Variants in STPG2 observed in about 807,000 individuals in gnomAD.
STPG2 encodes the protein sperm tail PG-rich repeat containing 2, also known as sperm-tail PG-rich repeat-containing protein 2.
In STPG2, 56 loss-of-function variants were observed where a neutral mutation model predicts 54.2. The ratio of observed to expected loss-of-function variants is 1.03; its 90% CI spans 0.83 to 1.29. STPG2 has a LOEUF of 1.29. Among genes scored for constraint, STPG2 ranks in the 50% most tolerant of loss-of-function variants. The probability of loss-of-function intolerance (pLI) is 0.00; values close to 1 mark genes in which losing one functional copy is unlikely to be tolerated. For missense variants in STPG2, 596 were observed against 544.9 expected (o/e 1.09, Z -0.93); for synonymous variants, 200 against 181.8 (o/e 1.10, Z -0.81).
chr4:97,464,567 C>T lies in STPG2; in HGVS notation c.462+248132G>A, dbSNP rs531014822. Among the ~76,000 whole-genome samples the T allele has an allele frequency of 1.1e-4, 17 of 152,234 alleles. No homozygotes were observed. The South Asian group carries it at 2.5e-3, about 22-fold the overall frequency. On this transcript the variant is annotated intron_variant, in intron 4 of 4. Transcript: ENST00000522676. ...AAGTAGCTGGAATTACAGGTGCACA[C>T]CACCATGCCCAGCTAATTTTTGTAT...
intron 7 of STPG2, among the ~76,000 whole-genome samples, chr4:97,954,601 A>C (rs1302123425): frequency 6.6e-6 from 1 of 152,252 alleles, no homozygotes; most frequent in Non-Finnish European, 1.5e-5. Context: ...CATCAGGCTC[A>C]TGTTTGATAT....
intron 9 of STPG2, among the ~76,000 whole-genome samples, chr4:97,738,878 G>A (rs1271724987): frequency 6.6e-6 from 1 of 152,122 alleles, no homozygotes; most frequent in East Asian, 1.9e-4. Context: ...GACATCTACA[G>A]AACTCTCCAC....
chr4:97,966,106 A>C (rs1734088283), intron 7 of STPG2, among the ~76,000 whole-genome samples: 1 of 152,212 alleles, frequency 6.6e-6, no homozygotes, highest in African/African-American at 2.4e-5. Context: ...GTTTGAGCCC[A>C]TCACAAGCAA....
intron 10 of STPG2, 79 bp downstream of exon 10, chr4:97,712,620 T>C: frequency 2.1e-6 from 2 of 973,420 alleles, no homozygotes; most frequent in Non-Finnish European, 2.8e-6. Context: ...TGGAAAGGAC[T>C]TTAATATATA....
intron 9 of STPG2, among the ~76,000 whole-genome samples, chr4:97,774,005 G>A (rs556525558): frequency 5.3e-5 from 8 of 151,806 alleles, no homozygotes; most frequent in Non-Finnish European, 1.2e-4. Flanking sequence ...GTGTGTGTGT[G>A]TGTGTGTGTG....
intron 10 of STPG2, among the ~76,000 whole-genome samples, chr4:97,691,511 A>T (rs1354977086): frequency 6.6e-6 from 1 of 152,084 alleles, no homozygotes; most frequent in Non-Finnish European, 1.5e-5. Context: ...TTCTCACAGC[A>T]GACCCAGCAA....
intron 9 of STPG2, among the ~76,000 whole-genome samples, chr4:97,755,180 T>A (rs1290187130): frequency 1.3e-5 from 2 of 152,200 alleles, no homozygotes; most frequent in African/African-American, 4.8e-5. Context: ...AACAGGCATC[T>A]TTAATTATAT....
At chr4:97,589,265 T>C (rs560705696) in intron 10 of STPG2, among the ~76,000 whole-genome samples, 2 of 152,072 alleles carry the variant, frequency 1.3e-5, no homozygotes, top group Non-Finnish European at 2.9e-5. Flanking sequence ...ACCCAGTTTT[T>C]GCATTATATA....
chr4:97,556,465 T>C (rs1208449764), downstream of STPG2, among the ~76,000 whole-genome samples: 1 of 152,084 alleles, frequency 6.6e-6, no homozygotes, highest in Non-Finnish European at 1.5e-5. Flanking sequence ...CTAGAGAAAA[T>C]TACCTAATAC....
At chr4:97,925,536 G>A (rs1023422736) in intron 8 of STPG2, among the ~76,000 whole-genome samples, 57 of 152,210 alleles carry the variant, frequency 3.7e-4, no homozygotes, top group African/African-American at 1.1e-3. Context: ...TTATTATAAT[G>A]TGCTGTCTCC....
Position 97,732,743 on chromosome 4 carries a change from A to C in STPG2, c.1205-19929T>G, listed in dbSNP as rs566053443. On this transcript the variant is annotated intron_variant, in intron 9 of 10. Coordinates refer to ENST00000295268, the MANE Select transcript of STPG2 (RefSeq NM_174952.3). Reference sequence around the variant, plus strand: ...AAAGAATTCAAACAAATCAGCAAGAAAAAAAAAATAATCACATTAAAAAGT... The same window carrying C: ...AAAGAATTCAAACAAATCAGCAAGACAAAAAAAATAATCACATTAAAAAGT... 1.4e-4 allele frequency among the ~76,000 whole-genome samples: 16 copies of C among 113,514 alleles called. No individual in the cohort carries two copies. The South Asian group carries it at 4.8e-3, about 34-fold the overall frequency. The allele number at this position is 113,514 out of a possible 152,430, so 74.5% of individuals were successfully genotyped here.
rs192343610 is a variant in STPG2, at chr4:98,134,300, A to G, written c.222+47T>C. 520 of 1,137,276 alleles carry G rather than the reference A, an allele frequency of 4.6e-4. 9 individuals are homozygous for G. In the East Asian group the frequency reaches 0.014, roughly 31 times the overall value. 70.4% of individuals were successfully genotyped at this position (1,137,276 alleles called of 1,614,324 possible). On this transcript the variant is annotated intron_variant, in intron 2 of 10. Coordinates refer to ENST00000295268, the MANE Select transcript of STPG2 (RefSeq NM_174952.3). ...CAAATGACATTTGGTCTATTCAGGGAAGAAAACATGGTTTTATTAAGTCAA... is the reference window on the plus strand; with the variant it reads ...CAAATGACATTTGGTCTATTCAGGGGAGAAAACATGGTTTTATTAAGTCAA...
At chr4:97,470,807 T>C (rs1267159930) in intron 4 of STPG2, among the ~76,000 whole-genome samples, 6 of 151,938 alleles carry the variant, frequency 3.9e-5, no homozygotes, top group Non-Finnish European at 7.4e-5. Flanking sequence ...ATATAGGCAT[T>C]GTGATGAGAT....
chr4:97,903,698 T>G (rs994438109), intron 8 of STPG2, among the ~76,000 whole-genome samples: 2 of 152,116 alleles, frequency 1.3e-5, no homozygotes, highest in African/African-American at 4.8e-5. Context: ...TGGGTTCATC[T>G]CACTAGGGAG....
intron 10 of STPG2, among the ~76,000 whole-genome samples, chr4:97,703,713 T>C (rs902211567): frequency 1.2e-4 from 16 of 135,362 alleles, no homozygotes; most frequent in African/African-American, 3.6e-4. Context: ...TATATTATAG[T>C]ATATATATTT....
At chr4:98,108,553 G>A (rs567872321) in intron 4 of STPG2, among the ~76,000 whole-genome samples, 3 of 152,202 alleles carry the variant, frequency 2.0e-5, no homozygotes, top group African/African-American at 7.2e-5. Flanking sequence ...CTGAAGATGA[G>A]AGCCAGGGAT....
At chr4:97,862,780 G>A (rs138155001) in intron 8 of STPG2, among the ~76,000 whole-genome samples, 2,022 of 152,222 alleles carry the variant, frequency 0.013, 43 homozygotes, top group African/African-American at 0.046. Context: ...TTAGAACTCA[G>A]GATTAAGAAA....
intron 2 of STPG2, among the ~76,000 whole-genome samples, chr4:98,132,948 T>TAAAAAAAAA (rs200375140): frequency 3.0e-5 from 3 of 101,570 alleles, no homozygotes; most frequent in African/African-American, 6.9e-5. Context: ...TGAAATGAAC[T>TAAAAAAAAA]AAAAAAAAAA....
intron 5 of STPG2, among the ~76,000 whole-genome samples, chr4:98,091,936 A>C (rs1235816039): frequency 2.0e-5 from 3 of 152,034 alleles, no homozygotes; most frequent in African/African-American, 7.2e-5. Context: ...GTGATTCCAA[A>C]GTCTGAATTC....
Sources: allele counts gnomAD v4.1 joint callset (sites outside exome capture counted in the v4.1 genomes callset), GRCh38; gene constraint gnomAD v4.1.1; transcripts MANE v1.5; gene names NCBI Gene and HGNC (gene_info 2026-07-23, HGNC 2026-07-21).